Variants in RBPJ observed in about 807,000 individuals in gnomAD.
The protein encoded by RBPJ is recombining binding protein suppressor of hairless.
In RBPJ, 9 loss-of-function variants were observed where a neutral mutation model predicts 67.8. The ratio of observed to expected loss-of-function variants is 0.13; its 90% CI spans 0.08 to 0.23. RBPJ has a LOEUF of 0.23. RBPJ is among the 10% of genes least tolerant of loss of function. The pLI is 1.00. For missense variants in RBPJ, 305 were observed against 595.6 expected, an observed-to-expected ratio of 0.51 and a Z score of 5.08; for synonymous variants, 198 against 203.3, an observed-to-expected ratio of 0.97 and a Z score of 0.22.
rs565711515 is a variant in RBPJ at position 26,354,765 on chromosome 4, G to A, written c.21-31588G>A. On this transcript the variant is annotated intron_variant, in intron 1 of 10. Coordinates refer to ENST00000355476, the MANE Select transcript of RBPJ (RefSeq NM_015874.6). ...TGCCTGGCCGGCAAAGAGATTTTAC[G>A]TGGGAAACTGATCAAATAATTACAA... Among the ~76,000 whole-genome samples, 148 of 152,214 alleles carry A rather than the reference G, an allele frequency of 9.7e-4. 3 individuals are homozygous for A. In the South Asian group the frequency reaches 0.027, roughly 28 times the overall value.
chr4:26,244,474 CATATGTGTGTATACAT>C (rs1719854492), intron 1 of RBPJ, among the ~76,000 whole-genome samples: 1 of 144,236 alleles, frequency 6.9e-6, no homozygotes, highest in African/African-American at 2.6e-5. Context: ...TATATGTATA[CATATGTGTGTATACAT>C]ATATGTGTGT....
chr4:26,207,510 G>T (rs1450769577), intron 1 of RBPJ, among the ~76,000 whole-genome samples: 1 of 152,148 alleles, frequency 6.6e-6, no homozygotes, highest in Non-Finnish European at 1.5e-5. Context: ...TCATTCCTGT[G>T]GAGATGTCTT....
intron 1 of RBPJ, among the ~76,000 whole-genome samples, chr4:26,190,579 C>A (rs1279419404): frequency 6.6e-6 from 1 of 152,182 alleles, no homozygotes; most frequent in Non-Finnish European, 1.5e-5. Context: ...CAGGGACATG[C>A]ATGCCTCTCT....
At chr4:26,134,437 T>C in the RBPJ span, among the ~76,000 whole-genome samples, 76,967 of 152,114 alleles carry the variant, frequency 0.51, 19,534 homozygotes, top group East Asian at 0.6. Context: ...CCCGTGCAAG[T>C]GCTCCAGTCT....
At chr4:26,124,049 G>A in the RBPJ span, among the ~76,000 whole-genome samples, 1 of 152,180 alleles carries the variant, frequency 6.6e-6, no homozygotes, top group East Asian at 1.9e-4. Flanking sequence ...ATAATTGTAT[G>A]TGCTAGATTT....
chr4:26,202,712 A>G (rs1203387040), intron 1 of RBPJ, among the ~76,000 whole-genome samples: 1 of 152,058 alleles, frequency 6.6e-6, no homozygotes, highest in African/African-American at 2.4e-5. Context: ...GTTCAAGACC[A>G]GCCTGGACAA....
chr4:26,223,204 T>C (rs896432293), intron 1 of RBPJ, among the ~76,000 whole-genome samples: 1 of 151,708 alleles, frequency 6.6e-6, no homozygotes, highest in South Asian at 2.1e-4. Context: ...TGATGGTGGA[T>C]GTGCTGCTTT....
At chr4:26,164,388 AT>A (rs1560193286) in intron 1 of RBPJ, among the ~76,000 whole-genome samples, 1 of 152,224 alleles carries the variant, frequency 6.6e-6, no homozygotes, top group African/African-American at 2.4e-5. Context: ...TATATTAGGT[AT>A]TTCAGAAACA....
chr4:26,431,184 T>TTA lies in RBPJ; in HGVS notation c.*177_*178insTA, dbSNP rs1373287080. The TTA allele has an allele frequency of 1.2e-4, 5 of 40,666 alleles. No homozygotes were observed. The highest frequency in any genetic ancestry group is 5.6e-4 in the African/African-American group (5 of 8,880). The allele number at this position is 40,666 out of a possible 1,614,324, so 2.5% of individuals were successfully genotyped here. A position where few individuals can be genotyped will look rare whatever the true frequency, so the allele number is the denominator to read the frequency against. On this transcript the variant is annotated 3_prime_UTR_variant, in exon 11 of 11. Transcript: ENST00000355476. ...CTGATTTGAAATGCAGAAGCCACAG[T>TTA]AAAAAAAAAAAAAAAAAAAAAAAAA...
At chr4:26,359,312 A>G (rs1178891407) in intron 1 of RBPJ, among the ~76,000 whole-genome samples, 1 of 151,952 alleles carries the variant, frequency 6.6e-6, no homozygotes, top group Non-Finnish European at 1.5e-5. Context: ...GAACGTTTCC[A>G]TTGTATGGGT....
the RBPJ span, among the ~76,000 whole-genome samples, chr4:26,124,355 C>T: frequency 6.9e-6 from 1 of 145,942 alleles, no homozygotes; most frequent in African/African-American, 2.6e-5. Context: ...TCTCCAGTCT[C>T]ATCCAGGTCG....
At chr4:26,394,311 G>C (rs1160011226) in intron 2 of RBPJ, among the ~76,000 whole-genome samples, 1 of 152,092 alleles carries the variant, frequency 6.6e-6, no homozygotes, top group Non-Finnish European at 1.5e-5. Context: ...ACAGGCGTGA[G>C]CCACCACGCC....
At chr4:26,114,688 T>C in the RBPJ span, among the ~76,000 whole-genome samples, 4 of 152,038 alleles carry the variant, frequency 2.6e-5, no homozygotes, top group Admixed American at 6.6e-5. Flanking sequence ...CTGGTATCTT[T>C]ATACGTTGAT....
chr4:26,376,523 G>C (rs1729757179), intron 1 of RBPJ, among the ~76,000 whole-genome samples: 1 of 152,130 alleles, frequency 6.6e-6, no homozygotes. Flanking sequence ...TTATCCATTT[G>C]TTCATTGTCA....
the RBPJ span, among the ~76,000 whole-genome samples, chr4:26,128,231 T>C: frequency 6.6e-6 from 1 of 152,172 alleles, no homozygotes; most frequent in South Asian, 2.1e-4. Flanking sequence ...TATTTCTTCA[T>C]ACTAAAAATG....
chr4:26,425,787 A>T (rs1735593163), intron 7 of RBPJ, among the ~76,000 whole-genome samples: 2 of 152,212 alleles, frequency 1.3e-5, no homozygotes, highest in Admixed American at 6.5e-5. Context: ...TCAAGGTCAG[A>T]CTGAAGAGGT....
chr4:26,138,100 C>T, the RBPJ span, among the ~76,000 whole-genome samples: 5 of 149,230 alleles, frequency 3.4e-5, no homozygotes, highest in East Asian at 9.6e-4. Flanking sequence ...CTGGAACTGC[C>T]AGGAGACCAC....
At chr4:26,357,449 T>A (rs1727506502) in intron 1 of RBPJ, among the ~76,000 whole-genome samples, 1 of 152,084 alleles carries the variant, frequency 6.6e-6, no homozygotes, top group South Asian at 2.1e-4. Flanking sequence ...AAGATAGAAA[T>A]AGGTTCGATT....
the RBPJ span, among the ~76,000 whole-genome samples, chr4:26,153,049 G>A: frequency 6.6e-6 from 1 of 152,166 alleles, no homozygotes; most frequent in Non-Finnish European, 1.5e-5. Flanking sequence ...ATTATTTTAT[G>A]TTTTATATAC....
Sources: gnomAD v4.1 joint callset for allele counts (sites outside exome capture counted in the v4.1 genomes callset) on GRCh38, gnomAD v4.1.1 for gene constraint, MANE v1.5 for transcripts, NCBI Gene and HGNC (gene_info 2026-07-23, HGNC 2026-07-21) for gene names.